The following NLGN4X variants were observed in gnomAD, a reference collection of about 807,000 sequenced individuals.
NLGN4X encodes the protein neuroligin 4 X-linked.
A neutral mutation model predicts 40.3 loss-of-function variants in NLGN4X; 3 were observed. That is an observed-to-expected ratio of 0.07 (90% confidence interval 0.03 to 0.19). The LOEUF (loss-of-function observed/expected upper bound fraction) is 0.19, where lower values mean the gene tolerates loss of function less well. Among genes scored for constraint, NLGN4X ranks in the 10% least tolerant of loss-of-function variants. The pLI is 1.00. For synonymous variants in NLGN4X, 270 were observed against 306.8 expected (o/e 0.88, Z 1.25); for missense variants, 382 against 708.3 (o/e 0.54, Z 5.23).
chrX:6,158,670 T>C (rs2040322831), intron 1 of NLGN4X, among the ~76,000 whole-genome samples: 3 of 111,945 alleles, frequency 2.7e-5, no homozygotes, highest in Admixed American at 9.5e-5. Context: ...CCAAGGTACA[T>C]GTGCAGGATG....
At chrX:6,170,117 C>T (rs11796345) in intron 1 of NLGN4X, among the ~76,000 whole-genome samples, 40,534 of 108,513 alleles carry the variant, frequency 0.37, 5,857 homozygotes, top group Non-Finnish European at 0.45. Flanking sequence ...AGCGAACCTC[C>T]CACCTCAGTC....
intron 3 of NLGN4X, among the ~76,000 whole-genome samples, chrX:5,919,327 T>C (rs1356710360): frequency 1.8e-5 from 2 of 111,885 alleles, no homozygotes; most frequent in African/African-American, 3.3e-5. Context: ...TTCTGTCTTA[T>C]AAGGATATTT....
chrX:6,224,824 A>T (rs1462851152), intron 1 of NLGN4X, among the ~76,000 whole-genome samples: 1 of 94,999 alleles, frequency 1.1e-5, no homozygotes, highest in East Asian at 3.1e-4. Context: ...CACAGGCATT[A>T]TTATGAAAAT....
chrX:6,193,974 T>C (rs1028850091), intron 1 of NLGN4X, among the ~76,000 whole-genome samples: 2 of 112,412 alleles, frequency 1.8e-5, no homozygotes, highest in African/African-American at 6.5e-5. Context: ...TGTTTTGCTG[T>C]GGCAGAAGGT....
At chrX:5,943,799 G>A (rs1318000182) in intron 3 of NLGN4X, among the ~76,000 whole-genome samples, 1 of 112,473 alleles carries the variant, frequency 8.9e-6, no homozygotes, top group African/African-American at 3.2e-5. Context: ...ATCATTTAAG[G>A]ATAGAGCTGC....
At chrX:6,214,590 C>G (rs1323631822) in intron 1 of NLGN4X, among the ~76,000 whole-genome samples, 1 of 111,490 alleles carries the variant, frequency 9.0e-6, no homozygotes, top group Non-Finnish European at 1.9e-5. Flanking sequence ...GAAGTAGAAT[C>G]CACCAGTTTT....
intron 2 of NLGN4X, among the ~76,000 whole-genome samples, chrX:6,033,207 G>T (rs961215667): frequency 2.2e-5 from 2 of 91,350 alleles, no homozygotes; most frequent in African/African-American, 8.0e-5. Flanking sequence ...GACACATTAT[G>T]GTTAGAAATT....
Position 6,151,453 on chromosome X carries a change from T to C in NLGN4X, c.14A>G (p.Gln5Arg), listed in dbSNP as rs899519777. MSRPQGLLWLPLLFT... is the reference protein window; with the variant it reads MSRPRGLLWLPLLFT... ...CAACAAAGGAAGCCATAGCAGTCCC[T>C]GGGGCCGTGACATGGTTCAAATCTG... Residue 5 changes from glutamine to arginine, a missense_variant, in exon 2 of 6, where the codon CAG (glutamine) becomes CGG (arginine). Around this residue, in one of 5 missense-constraint regions of NLGN4X, gnomAD observed 115 missense variants for 149.6 expected, o/e 0.77. Coordinates refer to ENST00000381095, the MANE Select transcript of NLGN4X (RefSeq NM_181332.3). 4 of 1,207,543 alleles carry C rather than the reference T, an allele frequency of 3.3e-6. No homozygotes were observed. Among genetic ancestry groups the C allele is most frequent in the Admixed American group, 2.2e-5 (1 of 45,660 alleles).
intron 2 of NLGN4X, among the ~76,000 whole-genome samples, chrX:6,074,487 T>C (rs1360131729): frequency 8.9e-6 from 1 of 111,872 alleles, no homozygotes; most frequent in Non-Finnish European, 1.9e-5. Flanking sequence ...AAGAATATTG[T>C]TGCCATGTTC....
intron 3 of NLGN4X, among the ~76,000 whole-genome samples, chrX:5,948,049 G>A (rs757810117): frequency 3.6e-5 from 4 of 111,311 alleles, no homozygotes; most frequent in Admixed American, 9.6e-5. Context: ...TCCAAAAAAC[G>A]TTCAAGAGTA....
intron 2 of NLGN4X, among the ~76,000 whole-genome samples, chrX:6,099,090 T>A (rs1176849722): frequency 8.9e-6 from 1 of 112,102 alleles, no homozygotes; most frequent in Non-Finnish European, 1.9e-5. Flanking sequence ...AAATGTCCCC[T>A]GAGGCAAAAT....
At chrX:6,209,622 C>T (rs1487836844) in intron 1 of NLGN4X, among the ~76,000 whole-genome samples, 1 of 111,615 alleles carries the variant, frequency 9.0e-6, no homozygotes, top group Non-Finnish European at 1.9e-5. Context: ...TTGTAAAATT[C>T]TCTAGTGCAT....
chrX:5,924,053 C>T (rs2033176465), intron 3 of NLGN4X, among the ~76,000 whole-genome samples: 2 of 111,465 alleles, frequency 1.8e-5, no homozygotes, highest in African/African-American at 6.5e-5. Flanking sequence ...ATTGTGTTTC[C>T]TTTAATTAGC....
chrX:6,093,534 C>T (rs886197696), intron 2 of NLGN4X, among the ~76,000 whole-genome samples: 1 of 110,687 alleles, frequency 9.0e-6, no homozygotes, highest in African/African-American at 3.3e-5. Flanking sequence ...AAAAGGAAAT[C>T]CGAAAGATTA....
At chrX:6,225,681 CTTTTTTTCTTT>C (rs1926170471) in intron 1 of NLGN4X, among the ~76,000 whole-genome samples, 62 of 33,761 alleles carry the variant, frequency 1.8e-3, no homozygotes, top group African/African-American at 4.8e-3. Flanking sequence ...TTTTTTCTTT[CTTTTTTTCTTT>C]TTTTTTTTTT....
chrX:6,158,576 G>A (rs185173311), intron 1 of NLGN4X, among the ~76,000 whole-genome samples: 55 of 112,127 alleles, frequency 4.9e-4, no homozygotes, highest in African/African-American at 1.5e-3. Flanking sequence ...CAACGATGTG[G>A]AGCAACTAGA....
rs150059602 is a variant in NLGN4X, at chrX:6,170,984, C to T, written c.-305-19213G>A. 5.9e-4 allele frequency among the ~76,000 whole-genome samples: 66 copies of T among 111,177 alleles called. 1 individual carries two copies. Among genetic ancestry groups the T allele is most frequent in the African/African-American group, 2.0e-3 (60 of 30,605 alleles). ...GACTACAGCCACACACCACCATGCC[C>T]AGATAATTTTTGAATTTTTTGTAGA... On this transcript the variant is annotated intron_variant, in intron 1 of 5. Coordinates refer to ENST00000381095, the MANE Select transcript of NLGN4X (RefSeq NM_181332.3).
chrX:5,978,296 CTTT>C (rs2035257292), intron 3 of NLGN4X, among the ~76,000 whole-genome samples: 1 of 70,175 alleles, frequency 1.4e-5, no homozygotes, highest in African/African-American at 9.9e-5. Flanking sequence ...TTCTTTCTTT[CTTT>C]CTTTCTTTCT....
rs768601715 is a variant in NLGN4X at position 6,111,271 on chromosome X, T to C, written c.472+39724A>G. On this transcript the variant is annotated intron_variant, in intron 2 of 5. Coordinates refer to ENST00000381095, the MANE Select transcript of NLGN4X (RefSeq NM_181332.3). ...AATCCAATACACAACATGATAACTC[T>C]ACCCTCATGAATGGGATGAGTGTCC... Among the ~76,000 whole-genome samples, 4 of 111,734 alleles carry C rather than the reference T, an allele frequency of 3.6e-5. No individual in the cohort carries two copies. The South Asian group carries it at 1.5e-3, about 43-fold the overall frequency.
Sources: allele counts gnomAD v4.1 joint callset (sites outside exome capture counted in the v4.1 genomes callset), GRCh38; gene constraint gnomAD v4.1.1; regional missense constraint gnomAD v4.1.1; transcripts MANE v1.5; gene names NCBI Gene and HGNC (gene_info 2026-07-23, HGNC 2026-07-21).